ZFAND6: variants seen among roughly 807,000 people sequenced by gnomAD.
The protein encoded by ZFAND6 is zinc finger AN1-type containing 6.
In ZFAND6, 12 loss-of-function variants were observed where a neutral mutation model predicts 24.5. That is an observed-to-expected ratio of 0.49 (90% CI 0.31 to 0.79). The LOEUF is 0.79. Among genes scored for constraint, ZFAND6 ranks in the 30% least tolerant of loss-of-function variants. ZFAND6 has a pLI of 0.04. For synonymous variants in ZFAND6, 92 were observed against 81.5 expected (o/e 1.13, Z -0.69); for missense variants, 207 against 245.9 (o/e 0.84, Z 1.06).
chr15:80,111,078 A>C (rs2039585347), intron 2 of ZFAND6, among the ~76,000 whole-genome samples: 1 of 152,232 alleles, frequency 6.6e-6, no homozygotes, highest in Non-Finnish European at 1.5e-5. Flanking sequence ...CTTCAGATTC[A>C]ATTGTTGAGT....
chr15:80,102,561 G>A (rs1305920637), intron 2 of ZFAND6, among the ~76,000 whole-genome samples: 1 of 152,194 alleles, frequency 6.6e-6, no homozygotes, highest in African/African-American at 2.4e-5. Context: ...ACATTTAAAT[G>A]CTAGTAGATT....
intron 1 of ZFAND6, among the ~76,000 whole-genome samples, chr15:80,070,620 T>G (rs1008762244): frequency 4.6e-5 from 7 of 152,216 alleles, no homozygotes; most frequent in African/African-American, 1.4e-4. Flanking sequence ...CACAGTTCTC[T>G]TTTCTCTTGG....
intron 1 of ZFAND6, among the ~76,000 whole-genome samples, chr15:80,093,701 G>A (rs1473062410): frequency 6.6e-6 from 1 of 152,156 alleles, no homozygotes; most frequent in African/African-American, 2.4e-5. Flanking sequence ...CTCCAGCCTG[G>A]GCAACAAGAG....
chr15:80,093,753 C>G lies in ZFAND6; in HGVS notation c.-180-4663C>G, dbSNP rs1011842007. 3.3e-5 allele frequency among the ~76,000 whole-genome samples: 5 copies of G among 152,130 alleles called. No individual in the cohort carries two copies. The East Asian group carries it at 5.8e-4, about 18-fold the overall frequency. ...AATAAATAAATAGTTAGATAGATAA[C>G]TTAATTTGGAGTTTTTAGCAAGGAG... On this transcript the variant is annotated intron_variant, in intron 1 of 6. Coordinates refer to ENST00000261749, the MANE Select transcript of ZFAND6 (RefSeq NM_019006.4).
intron 1 of ZFAND6, among the ~76,000 whole-genome samples, chr15:80,087,438 C>T (rs377218520): frequency 2.0e-5 from 3 of 152,166 alleles, no homozygotes; most frequent in East Asian, 1.9e-4. Flanking sequence ...TGCTTAATAT[C>T]CTACTTTTCT....
intron 2 of ZFAND6, among the ~76,000 whole-genome samples, chr15:80,108,804 C>T (rs959161080): frequency 5.3e-5 from 8 of 151,850 alleles, no homozygotes; most frequent in Admixed American, 4.6e-4. Context: ...AATCATGGCT[C>T]ACTGCAGCCT....
intron 2 of ZFAND6, among the ~76,000 whole-genome samples, chr15:80,110,660 A>G (rs547200512): frequency 6.6e-6 from 1 of 152,250 alleles, no homozygotes; most frequent in East Asian, 1.9e-4. Context: ...AACCAGTAGA[A>G]TAGAATAGAG....
chr15:80,096,254 A>C (rs1194686469), intron 1 of ZFAND6, among the ~76,000 whole-genome samples: 2 of 152,172 alleles, frequency 1.3e-5, no homozygotes, highest in East Asian at 3.8e-4. Flanking sequence ...AACACCTATA[A>C]AATGTAAATT....
intron 2 of ZFAND6, among the ~76,000 whole-genome samples, chr15:80,104,473 C>T (rs1205994974): frequency 2.6e-5 from 4 of 152,224 alleles, no homozygotes; most frequent in African/African-American, 4.8e-5. Flanking sequence ...GAGCCGAGAT[C>T]GCACCACTGC....
At chr15:80,131,153 A>G in intron 5 of ZFAND6, 27 bp from the exon 6 acceptor site, 1 of 1,511,200 alleles carries the variant, frequency 6.6e-7, no homozygotes, top group Non-Finnish European at 8.9e-7. Flanking sequence ...GAATAATTAA[A>G]TTTTGCCACC....
At chr15:80,095,997 C>T (rs1323454655) in intron 1 of ZFAND6, among the ~76,000 whole-genome samples, 2 of 152,148 alleles carry the variant, frequency 1.3e-5, no homozygotes, top group African/African-American at 4.8e-5. Flanking sequence ...TCTATCAGTA[C>T]AATGGATCAC....
chr15:80,126,414 G>A (rs7169038), intron 5 of ZFAND6, among the ~76,000 whole-genome samples: 103,344 of 152,038 alleles, frequency 0.68, 35,538 homozygotes, highest in Admixed American at 0.79. Context: ...AATCAAGACT[G>A]TGTTGTACCG....
chr15:80,120,446 T>C lies in ZFAND6; in HGVS notation c.102T>C (p.Tyr34=). 1 of 1,596,700 alleles carries C rather than the reference T, an allele frequency of 6.3e-7. No individual in the cohort carries two copies. The highest frequency in any genetic ancestry group is 8.6e-7 in the Non-Finnish European group (1 of 1,169,094). Residue 34 remains tyrosine (Y), a synonymous_variant, in exon 3 of 7, where the codon TAT becomes TAC. Coordinates refer to ENST00000261749, the MANE Select transcript of ZFAND6 (RefSeq NM_019006.4). ...CAAATGGCATGTGTTCAGTATGCTA[T>C]AAAGAACATCTTCAAAGACAGAATA... ...PRTNGMCSVC[Y]KEHLQRQNSS... is the part of the protein sequence containing the mutation.
intron 2 of ZFAND6, among the ~76,000 whole-genome samples, chr15:80,107,717 G>A (rs572700310): frequency 5.8e-4 from 89 of 152,218 alleles, no homozygotes; most frequent in Admixed American, 1.2e-3. Context: ...TACTCAGGAG[G>A]CTGAAGCAGG....
chr15:80,118,118 C>T (rs897813398), intron 2 of ZFAND6, among the ~76,000 whole-genome samples: 3 of 151,780 alleles, frequency 2.0e-5, no homozygotes, highest in African/African-American at 7.3e-5. Flanking sequence ...AGCTCCATCA[C>T]TTATTTTATT....
chr15:80,101,733 A>G (rs1290578069), intron 2 of ZFAND6, among the ~76,000 whole-genome samples: 1 of 150,146 alleles, frequency 6.7e-6, no homozygotes, highest in Non-Finnish European at 1.5e-5. Context: ...AGCAAAAAAT[A>G]TTTCTTCAAG....
intron 1 of ZFAND6, among the ~76,000 whole-genome samples, chr15:80,078,696 T>C (rs903048843): frequency 1.3e-5 from 2 of 152,206 alleles, no homozygotes; most frequent in African/African-American, 4.8e-5. Flanking sequence ...AAGCATTCCA[T>C]TTTCTGGGAA....
intron 1 of ZFAND6, among the ~76,000 whole-genome samples, chr15:80,097,986 C>T (rs1324067873): frequency 6.6e-6 from 1 of 152,158 alleles, no homozygotes; most frequent in Admixed American, 6.5e-5. Context: ...ATGGCTCCTC[C>T]TGCTGTCACA....
At chr15:80,065,537 A>ATTTTTTTTTTTTTTT (rs149756891) in intron 1 of ZFAND6, among the ~76,000 whole-genome samples, 21 of 76,498 alleles carry the variant, frequency 2.7e-4, no homozygotes, top group African/African-American at 6.3e-4. Context: ...TTTGGTTTTG[A>ATTTTTTTTTTTTTTT]TTTTTTTTTT....
Sources: allele counts gnomAD v4.1 joint callset (sites outside exome capture counted in the v4.1 genomes callset), GRCh38; gene constraint gnomAD v4.1.1; transcripts MANE v1.5; gene names NCBI Gene and HGNC (gene_info 2026-07-23, HGNC 2026-07-21).